Variants in CNTNAP2 observed in about 807,000 individuals in gnomAD.
CNTNAP2 encodes contactin-associated protein-like 2.
A neutral mutation model predicts 155.2 loss-of-function variants in CNTNAP2; 98 were observed. That is an observed-to-expected ratio of 0.63 (90% CI 0.54 to 0.75). CNTNAP2 has a LOEUF of 0.75. Ranked by LOEUF, CNTNAP2 falls within the 30% of genes least tolerant of loss-of-function variation. CNTNAP2 has a pLI of 0.00. For synonymous variants in CNTNAP2, 651 were observed against 631.2 expected (o/e 1.03, Z -0.47); for missense variants, 1,727 against 1,688.1 (o/e 1.02, Z -0.40).
chr7:147,420,438 G>T (rs1395692942), intron 10 of CNTNAP2, among the ~76,000 whole-genome samples: 2 of 152,206 alleles, frequency 1.3e-5, no homozygotes, highest in Non-Finnish European at 2.9e-5. Context: ...TGAGGTTAGA[G>T]ATGGGATGTG....
At chr7:148,296,208 C>T (rs573359272) in intron 21 of CNTNAP2, among the ~76,000 whole-genome samples, 19 of 152,112 alleles carry the variant, frequency 1.2e-4, no homozygotes, top group African/African-American at 4.3e-4. Context: ...CAATCTTGTT[C>T]ATGTCAAAAA....
chr7:148,355,166 C>CTTTTTTTTTTTTTTTTTTTTTTTTT lies in CNTNAP2; in HGVS notation c.3476-28474_3476-28450dup, dbSNP rs1167992306. On this transcript the variant is annotated intron_variant, in intron 21 of 23. Coordinates refer to ENST00000361727, the MANE Select transcript of CNTNAP2 (RefSeq NM_014141.6). ...CACTTCATGCATCAGCCGCCAGCTG[C>CTTTTTTTTTTTTTTTTTTTTTTTTT]TTTTTTTTTTTTTTTTTTTTTTTTT... Among the ~76,000 whole-genome samples the CTTTTTTTTTTTTTTTTTTTTTTTTT allele has an allele frequency of 7.3e-5, 3 of 41,022 alleles. 1 individual carries two copies. Among genetic ancestry groups the CTTTTTTTTTTTTTTTTTTTTTTTTT allele is most frequent in the African/African-American group, 2.1e-4 (2 of 9,606 alleles). 26.9% of individuals were successfully genotyped at this position (41,022 alleles called of 152,430 possible). A position where few individuals can be genotyped will look rare whatever the true frequency, so the allele number is the denominator to read the frequency against.
At chr7:147,813,401 C>G (rs1209423574) in intron 13 of CNTNAP2, among the ~76,000 whole-genome samples, 6 of 152,162 alleles carry the variant, frequency 3.9e-5, no homozygotes, top group Admixed American at 3.9e-4. Flanking sequence ...TGTCTCCAAA[C>G]CCTCATGTGT....
chr7:147,929,683 C>G (rs1029843107), intron 14 of CNTNAP2, among the ~76,000 whole-genome samples: 38 of 152,048 alleles, frequency 2.5e-4, no homozygotes, highest in African/African-American at 7.7e-4. Context: ...AAAAGTAAAG[C>G]CACCCTATTT....
intron 13 of CNTNAP2, among the ~76,000 whole-genome samples, chr7:147,853,178 G>T (rs79579313): frequency 0.089 from 13,593 of 152,214 alleles, 796 homozygotes; most frequent in Admixed American, 0.16. Flanking sequence ...AAGACTGACA[G>T]TCTCCATTTA....
chr7:147,088,495 A>C (rs1461688372), intron 4 of CNTNAP2, among the ~76,000 whole-genome samples: 1 of 152,234 alleles, frequency 6.6e-6, no homozygotes, highest in Non-Finnish European at 1.5e-5. Context: ...TCTTAAAACT[A>C]TATTATTTAC....
intron 21 of CNTNAP2, among the ~76,000 whole-genome samples, chr7:148,274,980 A>T (rs1464218776): frequency 6.6e-6 from 1 of 152,202 alleles, no homozygotes; most frequent in Non-Finnish European, 1.5e-5. Context: ...GTATGTGTGT[A>T]ATACATATTA....
chr7:147,264,852 A>G (rs1297376796), intron 8 of CNTNAP2, among the ~76,000 whole-genome samples: 2 of 152,062 alleles, frequency 1.3e-5, no homozygotes, highest in Non-Finnish European at 2.9e-5. Context: ...GAACTATTTG[A>G]GGTGAAGCTC....
intron 13 of CNTNAP2, among the ~76,000 whole-genome samples, chr7:147,794,069 T>C (rs1053233049): frequency 6.6e-6 from 1 of 152,024 alleles, no homozygotes; most frequent in African/African-American, 2.4e-5. Flanking sequence ...TTCCTTATGA[T>C]GTTTTATATA....
intron 1 of CNTNAP2, among the ~76,000 whole-genome samples, chr7:146,182,477 A>G (rs1584790598): frequency 6.6e-6 from 1 of 152,136 alleles, no homozygotes; most frequent in Non-Finnish European, 1.5e-5. Flanking sequence ...GGTTCATCAC[A>G]CTTCCCCAAG....
At chr7:147,939,718 C>G (rs774176121) in intron 14 of CNTNAP2, among the ~76,000 whole-genome samples, 1 of 151,986 alleles carries the variant, frequency 6.6e-6, no homozygotes, top group Non-Finnish European at 1.5e-5. Context: ...TCAAGAATGA[C>G]GAAAGGAGCT....
chr7:147,643,699 G>T (rs558910890), intron 13 of CNTNAP2, among the ~76,000 whole-genome samples: 8 of 152,250 alleles, frequency 5.3e-5, no homozygotes, highest in South Asian at 2.1e-4. Context: ...CAATTAAAAT[G>T]AATATCAAAT....
At chr7:148,295,552 C>T (rs757701775) in intron 21 of CNTNAP2, among the ~76,000 whole-genome samples, 57 of 145,304 alleles carry the variant, frequency 3.9e-4, no homozygotes, top group African/African-American at 1.4e-3. Context: ...AGTGCTGTGG[C>T]GCAGTCTCGG....
intron 12 of CNTNAP2, among the ~76,000 whole-genome samples, chr7:147,621,356 AG>A (rs1390250314): frequency 6.7e-6 from 1 of 148,852 alleles, no homozygotes; most frequent in African/African-American, 2.6e-5. Flanking sequence ...ACAGTAACTG[AG>A]GTGTAAACTA....
intron 13 of CNTNAP2, among the ~76,000 whole-genome samples, chr7:147,808,643 A>G (rs1798130763): frequency 6.6e-6 from 1 of 152,198 alleles, no homozygotes; most frequent in South Asian, 2.1e-4. Flanking sequence ...TGGTAGTGCA[A>G]TTGAAGACCA....
chr7:147,546,471 A>G (rs541735175), intron 11 of CNTNAP2, among the ~76,000 whole-genome samples: 18 of 152,308 alleles, frequency 1.2e-4, no homozygotes, highest in African/African-American at 4.1e-4. Context: ...GTATAGAACA[A>G]TCTTCTGGAA....
At chr7:146,994,520 G>A (rs931422169) in intron 3 of CNTNAP2, among the ~76,000 whole-genome samples, 3 of 152,066 alleles carry the variant, frequency 2.0e-5, no homozygotes, top group Non-Finnish European at 4.4e-5. Flanking sequence ...AATACACTTT[G>A]CAGCAAATTT....
At chr7:147,087,488 G>A (rs1025586600) in intron 4 of CNTNAP2, among the ~76,000 whole-genome samples, 2 of 152,172 alleles carry the variant, frequency 1.3e-5, no homozygotes, top group African/African-American at 4.8e-5. Flanking sequence ...GTCATTGTTT[G>A]TACCTCACTT....
At chr7:147,097,441 T>G (rs1459882467) in intron 4 of CNTNAP2, 1 of 152,224 alleles carries the variant, frequency 6.6e-6, no homozygotes, top group African/African-American at 2.4e-5. Context: ...CAATTCCTCA[T>G]GGCTAGGGAG....
Sources: allele counts gnomAD v4.1 joint callset (sites outside exome capture counted in the v4.1 genomes callset), GRCh38; gene constraint gnomAD v4.1.1; transcripts MANE v1.5; gene names NCBI Gene and HGNC (gene_info 2026-07-23, HGNC 2026-07-21).